Variants in ST6GALNAC3 observed in about 807,000 individuals in gnomAD.
ST6GALNAC3 encodes alpha-N-acetylgalactosaminide alpha-2,6-sialyltransferase 3.
ST6GALNAC3 carries 25 observed loss-of-function variants against 32.7 expected under a neutral mutation model. The ratio of observed to expected loss-of-function variants is 0.76; its 90% confidence interval spans 0.56 to 1.07. The LOEUF (loss-of-function observed/expected upper bound fraction) is 1.07. Ranked by LOEUF, ST6GALNAC3 falls within the 50% of genes least tolerant of loss-of-function variation. The pLI is 0.00. For missense variants in ST6GALNAC3, 355 were observed against 382.4 expected (o/e 0.93, Z 0.60); for synonymous variants, 129 against 133.1 (o/e 0.97, Z 0.21).
intron 3 of ST6GALNAC3, among the ~76,000 whole-genome samples, chr1:76,500,908 C>T (rs566711242): frequency 6.6e-6 from 1 of 152,150 alleles, no homozygotes; most frequent in Admixed American, 6.5e-5. Context: ...ACAGTGAACC[C>T]ATTTGTAGAA....
At chr1:76,201,871 G>C (rs1654538963) in intron 1 of ST6GALNAC3, among the ~76,000 whole-genome samples, 1 of 152,120 alleles carries the variant, frequency 6.6e-6, no homozygotes, top group Non-Finnish European at 1.5e-5. Context: ...GCAACTTCAA[G>C]TTTATAATTA....
At position 76,243,503 on chromosome 1, in the gene ST6GALNAC3, T is replaced by A. The variant is rs145256533; in HGVS notation, c.19-70302T>A. Among the ~76,000 whole-genome samples the A allele has an allele frequency of 2.4e-4, 36 of 152,336 alleles. No homozygotes were observed. The East Asian group carries it at 6.4e-3, about 27-fold the overall frequency. On this transcript the variant is annotated intron_variant, in intron 1 of 4. Coordinates refer to ENST00000328299, the MANE Select transcript of ST6GALNAC3 (RefSeq NM_152996.4). ...TGGCTTTTGTTGCCATTGCTTTTGA[T>A]GATTTAGTCATGAAGTCTTTGCCCA... is the stretch of plus-strand genomic sequence containing the variant.
chr1:76,349,493 A>T (rs947457871), intron 2 of ST6GALNAC3, among the ~76,000 whole-genome samples: 1 of 152,016 alleles, frequency 6.6e-6, no homozygotes, highest in Non-Finnish European at 1.5e-5. Flanking sequence ...AAGAAAAAAC[A>T]CCCTGAAAGC....
At chr1:76,472,790 AC>A (rs370538106) in intron 3 of ST6GALNAC3, among the ~76,000 whole-genome samples, 53 of 152,050 alleles carry the variant, frequency 3.5e-4, no homozygotes, top group African/African-American at 1.2e-3. Flanking sequence ...AGTTGAGACT[AC>A]TTTTGAAGCT....
intron 3 of ST6GALNAC3, among the ~76,000 whole-genome samples, chr1:76,524,713 A>C (rs1382209647): frequency 7.1e-6 from 1 of 140,094 alleles, no homozygotes; most frequent in African/African-American, 2.7e-5. Context: ...CAAATATTTC[A>C]GTTTTTTTTT....
At chr1:76,076,787 A>G (rs958417202) in intron 1 of ST6GALNAC3, among the ~76,000 whole-genome samples, 1 of 152,180 alleles carries the variant, frequency 6.6e-6, no homozygotes, top group Admixed American at 6.6e-5. Context: ...GATAAGTATC[A>G]TTGTTTTAAA....
chr1:76,483,655 C>T (rs573934887), intron 3 of ST6GALNAC3, among the ~76,000 whole-genome samples: 4 of 152,116 alleles, frequency 2.6e-5, no homozygotes, highest in African/African-American at 9.6e-5. Flanking sequence ...CAAAAATTTT[C>T]TTCCATTCTG....
intron 3 of ST6GALNAC3, among the ~76,000 whole-genome samples, chr1:76,619,958 CT>C (rs1648532993): frequency 1.3e-5 from 2 of 152,080 alleles, no homozygotes; most frequent in African/African-American, 4.8e-5. Context: ...ATTCCCTCAG[CT>C]ATATTTGTTG....
intron 3 of ST6GALNAC3, among the ~76,000 whole-genome samples, chr1:76,532,595 A>G (rs2101825101): frequency 6.6e-6 from 1 of 152,322 alleles, no homozygotes; most frequent in East Asian, 1.9e-4. Context: ...TGCAGCTTAT[A>G]AAGAGAGAAT....
chr1:76,466,779 C>A (rs1658660580), intron 3 of ST6GALNAC3, among the ~76,000 whole-genome samples: 1 of 151,924 alleles, frequency 6.6e-6, no homozygotes, highest in South Asian at 2.1e-4. Flanking sequence ...TGCATGAAGT[C>A]TAATTGGCAA....
At chr1:76,431,531 T>C (rs1393028152) in intron 3 of ST6GALNAC3, among the ~76,000 whole-genome samples, 2 of 152,222 alleles carry the variant, frequency 1.3e-5, no homozygotes, top group Non-Finnish European at 2.9e-5. Context: ...TCTCCCTTTC[T>C]GTCTCTCTCA....
Position 76,321,599 on chromosome 1 carries a change from T to C in ST6GALNAC3, c.213+7600T>C, listed in dbSNP as rs116427465. The stretch of plus-strand genomic sequence containing the variant: ...GCCATCTGAAGGAGGAGAGGAGTAG[T>C]CTTTCCAAATCTGCACTCTCAAACC... On this transcript the variant is annotated intron_variant, in intron 2 of 4. Transcript: ENST00000328299. 3.7e-3 allele frequency among the ~76,000 whole-genome samples: 566 copies of C among 152,312 alleles called. 5 individuals carry two copies. The highest frequency in any genetic ancestry group is 0.013 in the African/African-American group (550 of 41,578).
intron 1 of ST6GALNAC3, among the ~76,000 whole-genome samples, chr1:76,103,110 T>TG (rs1647299529): frequency 6.6e-6 from 1 of 151,746 alleles, no homozygotes; most frequent in Non-Finnish European, 1.5e-5. Flanking sequence ...TTTTTAGTTT[T>TG]TTTTTTTTTT....
intron 1 of ST6GALNAC3, among the ~76,000 whole-genome samples, chr1:76,238,410 A>G (rs969039950): frequency 1.3e-5 from 2 of 152,242 alleles, no homozygotes; most frequent in African/African-American, 4.8e-5. Flanking sequence ...GATGCCAAAT[A>G]CCAGGCAGGC....
intron 1 of ST6GALNAC3, among the ~76,000 whole-genome samples, chr1:76,271,773 A>G (rs1297000106): frequency 6.6e-6 from 1 of 152,216 alleles, no homozygotes; most frequent in African/African-American, 2.4e-5. Context: ...GAGACCTGTC[A>G]GGAACCCATT....
intron 2 of ST6GALNAC3, among the ~76,000 whole-genome samples, chr1:76,386,161 A>G (rs1652077182): frequency 6.6e-6 from 1 of 152,080 alleles, no homozygotes; most frequent in Non-Finnish European, 1.5e-5. Context: ...TTATGGATTG[A>G]ATTGAATTGA....
At chr1:76,482,114 A>G (rs1659761255) in intron 3 of ST6GALNAC3, among the ~76,000 whole-genome samples, 1 of 151,824 alleles carries the variant, frequency 6.6e-6, no homozygotes, top group Non-Finnish European at 1.5e-5. Flanking sequence ...GAAATTTCTC[A>G]AAGAGAATTT....
At chr1:76,119,639 T>A (rs1250712378) in intron 1 of ST6GALNAC3, among the ~76,000 whole-genome samples, 1 of 152,194 alleles carries the variant, frequency 6.6e-6, no homozygotes, top group Non-Finnish European at 1.5e-5. Flanking sequence ...ACTGGATATT[T>A]CAGAGAGGCA....
chr1:76,080,364 A>T (rs1040893083), intron 1 of ST6GALNAC3, among the ~76,000 whole-genome samples: 1 of 152,146 alleles, frequency 6.6e-6, no homozygotes, highest in East Asian at 1.9e-4. Context: ...CATTTCAAGG[A>T]TGTGGCATGG....
Sources: gnomAD v4.1 joint callset for allele counts (sites outside exome capture counted in the v4.1 genomes callset) on GRCh38, gnomAD v4.1.1 for gene constraint, MANE v1.5 for transcripts, NCBI Gene and HGNC (gene_info 2026-07-23, HGNC 2026-07-21) for gene names.